PHIP: variants seen among roughly 807,000 people sequenced by gnomAD.
The protein encoded by PHIP is PH-interacting protein.
A neutral mutation model predicts 236.8 loss-of-function variants in PHIP; 54 were observed. The observed-to-expected ratio is 0.23, with a 90% CI of 0.18 to 0.29. The LOEUF (loss-of-function observed/expected upper bound fraction) is 0.29. Ranked by LOEUF, PHIP falls within the 10% of genes least tolerant of loss-of-function variation. The probability of loss-of-function intolerance (pLI) is 1.00; values close to 1 mark genes in which losing one functional copy is unlikely to be tolerated. For missense variants in PHIP, 1,370 were observed against 2,190.8 expected (o/e 0.63, Z 7.48); for synonymous variants, 756 against 718.9 (o/e 1.05, Z -0.83).
At chr6:78,961,078 T>C (rs970419681) in intron 31 of PHIP, among the ~76,000 whole-genome samples, 53 of 152,054 alleles carry the variant, frequency 3.5e-4, no homozygotes, top group African/African-American at 1.1e-3. Flanking sequence ...CAAAACATTT[T>C]AGGTAATAAT....
rs145777546 is a variant in PHIP, at chr6:78,970,004, A to G, written c.3122+45T>C. The G allele has an allele frequency of 2.6e-5, 41 of 1,604,566 alleles. No individual in the cohort carries two copies. The Middle Eastern group carries it at 6.7e-4, about 26-fold the overall frequency. ...AAATGTATCTGAATCTTGAAAAACAATCTACAATACTAAGAAAACCATTGC... is the reference window on the plus strand; with the variant it reads ...AAATGTATCTGAATCTTGAAAAACAGTCTACAATACTAAGAAAACCATTGC... On this transcript the variant is annotated intron_variant, in intron 26 of 39. Coordinates refer to ENST00000275034, the MANE Select transcript of PHIP (RefSeq NM_017934.7).
intron 15 of PHIP, among the ~76,000 whole-genome samples, chr6:79,010,454 A>G (rs1406455919): frequency 1.3e-5 from 2 of 151,604 alleles, no homozygotes; most frequent in African/African-American, 4.8e-5. Flanking sequence ...TATAAAAATA[A>G]GGAAAACTTT....
intron 6 of PHIP, among the ~76,000 whole-genome samples, chr6:79,055,642 G>A (rs1351124010): frequency 6.6e-6 from 1 of 152,178 alleles, no homozygotes; most frequent in Non-Finnish European, 1.5e-5. Flanking sequence ...TGGAAGGCAG[G>A]TGAACCACTT....
chr6:79,073,166 T>C lies in PHIP; in HGVS notation c.189+4282A>G, dbSNP rs867336035. ...AAGAATATTAACAATATAGTAAGTATTGCATTTAAAAAGTTTGTAAATGCC... is the reference window on the plus strand; with the variant it reads ...AAGAATATTAACAATATAGTAAGTACTGCATTTAAAAAGTTTGTAAATGCC... On this transcript the variant is annotated intron_variant, in intron 4 of 39. Coordinates refer to ENST00000275034, the MANE Select transcript of PHIP (RefSeq NM_017934.7). Among the ~76,000 whole-genome samples the C allele has an allele frequency of 3.3e-5, 5 of 152,176 alleles. No homozygotes were observed. In the South Asian group the frequency reaches 1.0e-3, roughly 32 times the overall value.
intron 15 of PHIP, 99 bp from the exon 16 acceptor site, chr6:79,003,957 ATGAAG>A (rs1487695147): frequency 2.7e-5 from 19 of 713,336 alleles, no homozygotes; most frequent in South Asian, 2.6e-5. Context: ...ATACATCCTA[ATGAAG>A]TGAAGATTAA....
intron 24 of PHIP, among the ~76,000 whole-genome samples, chr6:78,975,972 G>T (rs1768027852): frequency 6.6e-6 from 1 of 151,570 alleles, no homozygotes; most frequent in South Asian, 2.1e-4. Context: ...CAGATTCAAT[G>T]CCATCCCCAT....
At chr6:79,061,571 TTTG>T (rs1468040629) in intron 4 of PHIP, among the ~76,000 whole-genome samples, 1 of 152,078 alleles carries the variant, frequency 6.6e-6, no homozygotes, top group African/African-American at 2.4e-5. Context: ...TTCTCACAAA[TTTG>T]TTTTGTTTGG....
chr6:79,017,422 G>A lies in PHIP; in HGVS notation c.1096-36C>T, dbSNP rs577241493. 136 of 1,586,372 alleles carry A rather than the reference G, an allele frequency of 8.6e-5. 1 individual carries two copies. In the South Asian group the frequency reaches 1.5e-3, roughly 17 times the overall value. On this transcript the variant is annotated intron_variant, in intron 11 of 39. Coordinates refer to ENST00000275034, the MANE Select transcript of PHIP (RefSeq NM_017934.7). ...ACAAATAAACAAAAAAGTGGGTGCT[G>A]AATATAAACTCTTGGACTCACATAA...
chr6:79,027,217 TC>T (rs1771450515), intron 7 of PHIP, among the ~76,000 whole-genome samples: 1 of 152,158 alleles, frequency 6.6e-6, no homozygotes, highest in Admixed American at 6.6e-5. Context: ...TATTAATGTT[TC>T]CAAACAGAGT....
intron 4 of PHIP, among the ~76,000 whole-genome samples, chr6:79,061,873 C>G (rs1463792932): frequency 6.6e-6 from 1 of 152,034 alleles, no homozygotes; most frequent in African/African-American, 2.4e-5. Flanking sequence ...TCATCTCATT[C>G]CATCTTGCAA....
chr6:78,970,488 A>C (rs1767460374), intron 25 of PHIP, among the ~76,000 whole-genome samples: 1 of 152,196 alleles, frequency 6.6e-6, no homozygotes. Context: ...CAAATCTAGA[A>C]ATACGCATCA....
chr6:78,948,491 A>T (rs1310051112), intron 35 of PHIP, among the ~76,000 whole-genome samples: 2 of 152,048 alleles, frequency 1.3e-5, no homozygotes, highest in Non-Finnish European at 2.9e-5. Context: ...AGGGACAAAG[A>T]GTATTGTACC....
At position 79,003,852 on chromosome 6, in the gene PHIP, CT is replaced by C; in HGVS notation, c.1530del (p.Gly511AlafsTer29). 6.3e-7 allele frequency: 1 copy of C among 1,593,162 alleles called. No homozygotes were observed. The highest frequency in any genetic ancestry group is 8.5e-7 in the Non-Finnish European group (1 of 1,170,528). On this transcript the variant is annotated frameshift_variant, in exon 16 of 40. Transcript: ENST00000275034. LOFTEE classifies it high-confidence loss of function. The part of the protein sequence containing the change: ...VKIRSYFNMI[E>X]GQGHGAVFDC... ...TCAAATACTGCGCCATGTCCTTGGC[CT>C]TCAATCTGAAATATATTTAACCAAC...
At chr6:79,062,860 C>A (rs912065089) in intron 4 of PHIP, among the ~76,000 whole-genome samples, 3 of 152,170 alleles carry the variant, frequency 2.0e-5, no homozygotes, top group Non-Finnish European at 4.4e-5. Context: ...ACACCTCATT[C>A]TCCTTCATGT....
chr6:78,949,848 C>T (rs1774046628), intron 35 of PHIP, among the ~76,000 whole-genome samples: 3 of 151,948 alleles, frequency 2.0e-5, no homozygotes, highest in African/African-American at 7.3e-5. Flanking sequence ...GCCACTGCAC[C>T]CGGTTAATTT....
At chr6:78,965,004 C>G (rs1020987622) in intron 29 of PHIP, among the ~76,000 whole-genome samples, 3 of 152,106 alleles carry the variant, frequency 2.0e-5, no homozygotes, top group African/African-American at 7.2e-5. Flanking sequence ...AATCTCCAGG[C>G]TTTGGTCCCA....
chr6:79,077,769 G>GGGCCGC, intron 2 of PHIP, 40 bp from the exon 3 acceptor site: 1 of 978,396 alleles, frequency 1.0e-6, no homozygotes, highest in South Asian at 4.5e-5. Context: ...CCCGCGCCCC[G>GGGCCGC]GGCCGCGGCC....
At chr6:79,064,425 T>C (rs1420401094) in intron 4 of PHIP, among the ~76,000 whole-genome samples, 3 of 152,194 alleles carry the variant, frequency 2.0e-5, no homozygotes, top group Admixed American at 6.5e-5. Flanking sequence ...CCATAGTCCA[T>C]CTAATTTCGT....
At chr6:79,019,666 G>C (rs1034213124) in intron 9 of PHIP, among the ~76,000 whole-genome samples, 12 of 151,968 alleles carry the variant, frequency 7.9e-5, no homozygotes, top group Non-Finnish European at 1.8e-4. Context: ...ACCCCAAAAA[G>C]TAGGGATATT....
Sources: allele counts gnomAD v4.1 joint callset (sites outside exome capture counted in the v4.1 genomes callset), GRCh38; gene constraint gnomAD v4.1.1; transcripts MANE v1.5; gene names NCBI Gene and HGNC (gene_info 2026-07-23, HGNC 2026-07-21).